YTHDC1: variants seen among roughly 807,000 people sequenced by gnomAD.
YTHDC1 encodes the protein YTH domain-containing protein 1.
Under a neutral mutation model 107.0 loss-of-function variants are expected in YTHDC1, and 12 were observed. That is an observed-to-expected ratio of 0.11 (90% CI 0.07 to 0.18). The LOEUF is 0.18. YTHDC1 is among the 10% of genes least tolerant of loss of function. The probability of loss-of-function intolerance (pLI) is 1.00; values close to 1 mark genes in which losing one functional copy is unlikely to be tolerated. For synonymous variants in YTHDC1, 280 were observed against 289.5 expected (o/e 0.97, Z 0.33); for missense variants, 635 against 898.8 (o/e 0.71, Z 3.75).
chr4:68,328,442 C>G (rs904278524), intron 9 of YTHDC1, among the ~76,000 whole-genome samples: 2 of 152,106 alleles, frequency 1.3e-5, no homozygotes, highest in African/African-American at 4.8e-5. Flanking sequence ...TTTAAAACCC[C>G]TGGGGGCAAC....
intron 1 of YTHDC1, chr4:68,343,943 G>C (rs940771369): frequency 1.3e-5 from 2 of 152,112 alleles, no homozygotes; most frequent in South Asian, 4.1e-4. Flanking sequence ...TAGCAGTCTA[G>C]AGGATAAACT....
intron 9 of YTHDC1, among the ~76,000 whole-genome samples, chr4:68,329,091 CCTCA>C (rs780172606): frequency 1.3e-5 from 2 of 152,092 alleles, no homozygotes; most frequent in Non-Finnish European, 2.9e-5. Flanking sequence ...CTTCACAGCT[CCTCA>C]CTATCCTACA....
chr4:68,337,916 T>TA lies in YTHDC1; in HGVS notation c.131-17dup, dbSNP rs370728191. The TA allele has an allele frequency of 0.021, 27,329 of 1,328,166 alleles. 7 individuals carry two copies. Among genetic ancestry groups the TA allele is most frequent in the Non-Finnish European group, 0.022 (21,052 of 970,918 alleles). 82.3% of individuals were successfully genotyped at this position (1,328,166 alleles called of 1,614,324 possible). On this transcript the variant is annotated splice_polypyrimidine_tract_variant and intron_variant, in intron 2 of 16. Coordinates refer to ENST00000344157, the MANE Select transcript of YTHDC1 (RefSeq NM_001031732.4). ...CTTTTTGATCCTTTAAAATACAATGTAAAAAAAAAAAAAAGAAGTATTTGT... is the reference window on the plus strand; with the variant it reads ...CTTTTTGATCCTTTAAAATACAATGTAAAAAAAAAAAAAAAGAAGTATTTGT...
chr4:68,333,373 CTCT>C lies in YTHDC1; in HGVS notation c.905_907del (p.Lys302del), dbSNP rs757278009. 3 of 1,611,020 alleles carry C rather than the reference CTCT, an allele frequency of 1.9e-6. No homozygotes were observed. The South Asian group carries it at 3.3e-5, about 18-fold the overall frequency. ...AACAATTGGAGATATGCCTCTAGCT[CTCT>C]TCCTTTCCTTCTTTTTCTCATCTAA... On this transcript the variant is annotated inframe_deletion, in exon 5 of 17. Transcript: ENST00000344157.
At chr4:68,329,928 T>C in intron 9 of YTHDC1, 74 bp downstream of exon 9, 1 of 1,142,672 alleles carries the variant, frequency 8.8e-7, no homozygotes, top group Non-Finnish European at 1.3e-6. Flanking sequence ...AGTGACTTTT[T>C]CACTTTAACA....
At chr4:68,331,670 A>T in intron 7 of YTHDC1, among the ~76,000 whole-genome samples, 1 of 152,084 alleles carries the variant, frequency 6.6e-6, no homozygotes, top group East Asian at 1.9e-4. Flanking sequence ...CAATGATCTT[A>T]ATTCTAAAAA....
chr4:68,318,931 T>C lies in YTHDC1; in HGVS notation c.1685-69A>G. The C allele has an allele frequency of 2.7e-6, 4 of 1,495,430 alleles. No individual in the cohort carries two copies. In the South Asian group the frequency reaches 4.6e-5, roughly 17 times the overall value. The allele number at this position is 1,495,430 out of a possible 1,614,324, so 92.6% of individuals were successfully genotyped here. A position where few individuals can be genotyped will look rare whatever the true frequency, so the allele number is the denominator to read the frequency against. Reference sequence around the variant, plus strand: ...TCTTTTATGGCATTATAATTAAACCTTCCTTACCACTCGTTTCAATTCTTT... The same window carrying C: ...TCTTTTATGGCATTATAATTAAACCCTCCTTACCACTCGTTTCAATTCTTT... On this transcript the variant is annotated intron_variant, in intron 12 of 16. Transcript: ENST00000344157.
chr4:68,344,925 G>A (rs943671234), intron 1 of YTHDC1, among the ~76,000 whole-genome samples: 1 of 152,094 alleles, frequency 6.6e-6, no homozygotes, highest in African/African-American at 2.4e-5. Flanking sequence ...CAGCTACTTA[G>A]GAAGCTGAAG....
chr4:68,326,014 C>A (rs558814190), intron 9 of YTHDC1, among the ~76,000 whole-genome samples: 2 of 152,028 alleles, frequency 1.3e-5, no homozygotes, highest in East Asian at 3.8e-4. Flanking sequence ...AGGCAGAGAT[C>A]TAGTTTTCTT....
intron 4 of YTHDC1, among the ~76,000 whole-genome samples, chr4:68,333,985 A>C (rs1723880738): frequency 6.6e-6 from 1 of 152,072 alleles, no homozygotes; most frequent in African/African-American, 2.4e-5. Context: ...TCTTATTTTC[A>C]AATTCAATTT....
chr4:68,324,001 A>G (rs1722710155), intron 10 of YTHDC1, 138 bp downstream of exon 10: 1 of 698,604 alleles, frequency 1.4e-6, no homozygotes, highest in Non-Finnish European at 2.3e-6. Flanking sequence ...CAGTTATTAT[A>G]AACTTCAGAT....
intron 16 of YTHDC1, among the ~76,000 whole-genome samples, chr4:68,314,904 T>C (rs534908438): frequency 6.6e-6 from 1 of 152,346 alleles, no homozygotes; most frequent in South Asian, 2.1e-4. Flanking sequence ...GTTCTCAGCT[T>C]ACCTTACTGA....
intron 7 of YTHDC1, among the ~76,000 whole-genome samples, chr4:68,331,074 G>A (rs903442493): frequency 2.0e-5 from 3 of 151,968 alleles, no homozygotes; most frequent in African/African-American, 4.8e-5. Context: ...TATATAAAAT[G>A]GCACAGTATT....
chr4:68,319,181 T>C (rs1722173264), intron 12 of YTHDC1, among the ~76,000 whole-genome samples: 2 of 152,182 alleles, frequency 1.3e-5, no homozygotes, highest in African/African-American at 4.8e-5. Context: ...AGGAACTATC[T>C]TGAGCACACT....
intron 12 of YTHDC1, 23 bp from the exon 13 acceptor site, chr4:68,318,885 A>G (rs1475510528): frequency 1.2e-6 from 2 of 1,613,000 alleles, no homozygotes; most frequent in East Asian, 4.5e-5. Context: ...CAAGCATTTT[A>G]GTAAATCAAA....
chr4:68,349,914 C>G lies in YTHDC1; in HGVS notation c.-161G>C. 2.2e-6 allele frequency: 2 copies of G among 919,166 alleles called. No individual in the cohort carries two copies. Among genetic ancestry groups the G allele is most frequent in the Non-Finnish European group, 3.3e-6 (2 of 598,396 alleles). 56.9% of individuals were successfully genotyped at this position (919,166 alleles called of 1,614,324 possible). On this transcript the variant is annotated 5_prime_UTR_variant, in exon 1 of 17. Coordinates refer to ENST00000344157, the MANE Select transcript of YTHDC1 (RefSeq NM_001031732.4). ...TTAACACTCAGCCTTCTCGACTCTT[C>G]CCGCTTTTTCCCTTTCTCCCTTCCT... is the stretch of plus-strand genomic sequence containing the variant.
chr4:68,332,048 T>C, intron 7 of YTHDC1, 55 bp downstream of exon 7: 3 of 1,166,996 alleles, frequency 2.6e-6, no homozygotes, highest in Non-Finnish European at 2.4e-6. Context: ...CAAGTCTATT[T>C]TCCCATTTAA....
rs1462588709 is a variant in YTHDC1, at chr4:68,312,231, G to GC, written c.*1867dup. On this transcript the variant is annotated 3_prime_UTR_variant, in exon 17 of 17. Transcript: ENST00000344157. ...TCAATTACTACCTTTCTAATCTTGG[G>GC]CAAGTTTACTAGCCTCTCTGAGCCC... 6 of 152,146 alleles carry GC rather than the reference G, an allele frequency of 3.9e-5. No individual in the cohort carries two copies. The highest frequency in any genetic ancestry group is 7.3e-5 in the Non-Finnish European group (5 of 68,034). The allele number at this position is 152,146 out of a possible 1,614,324, so 9.4% of individuals were successfully genotyped here.
chr4:68,341,059 A>C (rs1407459029), intron 1 of YTHDC1, among the ~76,000 whole-genome samples: 1 of 152,108 alleles, frequency 6.6e-6, no homozygotes, highest in East Asian at 1.9e-4. Context: ...TCACTTTTAA[A>C]ATTTTATCAC....
Sources: gnomAD v4.1 joint callset for allele counts (sites outside exome capture counted in the v4.1 genomes callset) on GRCh38, gnomAD v4.1.1 for gene constraint, MANE v1.5 for transcripts, NCBI Gene and HGNC (gene_info 2026-07-23, HGNC 2026-07-21) for gene names.